ZC4H2: variants seen among roughly 807,000 people sequenced by gnomAD.
ZC4H2 encodes the protein zinc finger C4H2 domain-containing protein.
For synonymous variants in ZC4H2, 84 were observed against 66.3 expected (o/e 1.27, Z -1.30); for missense variants, 137 against 173.9 (o/e 0.79, Z 1.19).
chrX:65,023,555 A>G (rs999884950), intron 1 of ZC4H2, among the ~76,000 whole-genome samples: 16 of 112,063 alleles, frequency 1.4e-4, no homozygotes, highest in African/African-American at 5.2e-4. Flanking sequence ...AACCACAATG[A>G]GATACCATCT....
rs770096288 is a variant in ZC4H2, at chrX:64,921,887, A to G, written c.155T>C (p.Met52Thr). ...CATCTTCTCCTGTAGCAGAAGGTCC[A>G]TCTCCTGCTTGTATTCCTTCAGGTG... is the stretch of plus-strand genomic sequence containing the variant. ...ERHLKEYKQE[M>T]DLLLQEKMAH... The change falls in exon 2 of 5, where the codon ATG becomes ACG. Residue 52 changes from methionine (M) to threonine (T), a missense_variant. By Grantham distance (81) the Met-to-Thr change is moderately conservative. Coordinates refer to ENST00000374839, the MANE Select transcript of ZC4H2 (RefSeq NM_018684.4). 8.3e-7 allele frequency: 1 copy of G among 1,210,611 alleles called. No individual in the cohort carries two copies. The highest frequency in any genetic ancestry group is 1.1e-6 in the Non-Finnish European group (1 of 895,346).
chrX:64,921,638 C>A (rs772833661), intron 2 of ZC4H2, among the ~76,000 whole-genome samples, 179 bp downstream of exon 2: 3 of 111,485 alleles, frequency 2.7e-5, no homozygotes, highest in African/African-American at 9.8e-5. Flanking sequence ...GATATATAGT[C>A]AGTTAGTGAC....
intron 1 of ZC4H2, among the ~76,000 whole-genome samples, chrX:64,945,826 T>C (rs1280042408): frequency 4.5e-5 from 5 of 110,965 alleles, no homozygotes; most frequent in African/African-American, 1.3e-4. Context: ...TGCTTTGCTG[T>C]GCTATGATGG....
At chrX:64,959,014 C>T (rs1353253744) in intron 1 of ZC4H2, among the ~76,000 whole-genome samples, 2 of 111,279 alleles carry the variant, frequency 1.8e-5, no homozygotes, top group African/African-American at 6.5e-5. Flanking sequence ...CTATATTACC[C>T]CATCCCTTTT....
At position 64,960,844 on chromosome X, in the gene ZC4H2, A is replaced by G. The variant is rs1931362182; in HGVS notation, c.53+15481T>C. Among the ~76,000 whole-genome samples, 3 of 111,867 alleles carry G rather than the reference A, an allele frequency of 2.7e-5. No individual in the cohort carries two copies. In the Admixed American group the frequency reaches 2.8e-4, roughly 11 times the overall value. Reference sequence around the variant, plus strand: ...CTTGGTAGGATTTTGATCTTCTTACATTTGTTAAGATGTGCTAATTGTCTT... The same window carrying G: ...CTTGGTAGGATTTTGATCTTCTTACGTTTGTTAAGATGTGCTAATTGTCTT... On this transcript the variant is annotated intron_variant, in intron 1 of 4. Coordinates refer to ENST00000374839, the MANE Select transcript of ZC4H2 (RefSeq NM_018684.4).
intron 1 of ZC4H2, among the ~76,000 whole-genome samples, chrX:65,020,907 C>T (rs1932831828): frequency 1.8e-5 from 2 of 111,150 alleles, no homozygotes; most frequent in Admixed American, 9.6e-5. Context: ...GACTTTAAAC[C>T]AACAAAGCTC....
intron 1 of ZC4H2, among the ~76,000 whole-genome samples, chrX:64,995,890 A>G (rs1932403729): frequency 8.9e-6 from 1 of 112,692 alleles, no homozygotes; most frequent in African/African-American, 3.2e-5. Context: ...AAGCAAGGCA[A>G]ATAAACAACA....
At chrX:64,999,915 T>G (rs1932502042) in intron 1 of ZC4H2, among the ~76,000 whole-genome samples, 1 of 111,949 alleles carries the variant, frequency 8.9e-6, no homozygotes, top group African/African-American at 3.2e-5. Flanking sequence ...GGCAGGGCAT[T>G]TCAGAAAGAA....
chrX:64,956,641 A>T (rs1602417871), intron 1 of ZC4H2, among the ~76,000 whole-genome samples: 1 of 111,919 alleles, frequency 8.9e-6, no homozygotes, highest in Non-Finnish European at 1.9e-5. Flanking sequence ...AAACAAAATT[A>T]TGGGAGGCCA....
At chrX:64,971,235 A>G (rs998501140) in intron 1 of ZC4H2, among the ~76,000 whole-genome samples, 7 of 112,437 alleles carry the variant, frequency 6.2e-5, no homozygotes, top group Non-Finnish European at 1.3e-4. Context: ...AAATAAAATA[A>G]CAACCATGCT....
chrX:64,929,762 T>A (rs1041140768), intron 1 of ZC4H2, among the ~76,000 whole-genome samples: 1 of 112,139 alleles, frequency 8.9e-6, no homozygotes, highest in African/African-American at 3.2e-5. Flanking sequence ...GCTGTTTTGG[T>A]AGCTTATAGC....
At chrX:64,965,136 T>C (rs1931542786) in intron 1 of ZC4H2, among the ~76,000 whole-genome samples, 1 of 112,009 alleles carries the variant, frequency 8.9e-6, no homozygotes, top group Admixed American at 9.5e-5. Flanking sequence ...AACAAAATCC[T>C]ATTAAAATCC....
intron 1 of ZC4H2, among the ~76,000 whole-genome samples, chrX:64,982,989 T>C (rs1348344899): frequency 1.8e-5 from 2 of 110,979 alleles, no homozygotes; most frequent in Non-Finnish European, 3.8e-5. Flanking sequence ...GGGAGAGGAG[T>C]GGGAAGGCAG....
At chrX:64,973,383 T>C (rs960925900) in intron 1 of ZC4H2, among the ~76,000 whole-genome samples, 1 of 110,730 alleles carries the variant, frequency 9.0e-6, no homozygotes, top group African/African-American at 3.3e-5. Context: ...TATTTAATAG[T>C]CTTCTGACAT....
intron 1 of ZC4H2, among the ~76,000 whole-genome samples, chrX:64,974,973 CA>C (rs58569761): frequency 0.17 from 6,081 of 35,730 alleles, 568 homozygotes; most frequent in African/African-American, 0.32. Flanking sequence ...ATGCTTTTGC[CA>C]AAAAAAAAAA....
chrX:64,921,137 T>C (rs752983560), intron 2 of ZC4H2, among the ~76,000 whole-genome samples: 1 of 112,495 alleles, frequency 8.9e-6, no homozygotes, highest in East Asian at 2.8e-4. Flanking sequence ...AAATGAGTTT[T>C]CCAGAAATAT....
In ZC4H2 at chrX:64,950,768, T is replaced by C. The variant is rs1428755305; in HGVS notation, c.53+25557A>G. The stretch of plus-strand genomic sequence containing the variant: ...CCACATGTGAGATGGGTTTCCTGAA[T>C]ACAGCACACTGATGGCTCTGGATTC... On this transcript the variant is annotated intron_variant, in intron 1 of 4. Transcript: ENST00000374839. 1.8e-4 allele frequency among the ~76,000 whole-genome samples: 20 copies of C among 111,099 alleles called. No homozygotes were observed. In the Admixed American group the frequency reaches 1.9e-3, roughly 11 times the overall value.
intron 1 of ZC4H2, among the ~76,000 whole-genome samples, chrX:65,010,123 T>A (rs752077065): frequency 5.0e-4 from 56 of 112,646 alleles, no homozygotes; most frequent in Non-Finnish European, 9.6e-4. Context: ...AACTTCCAAG[T>A]GCCCACCACT....
chrX:65,010,361 G>A (rs2147285191), intron 1 of ZC4H2, among the ~76,000 whole-genome samples: 1 of 112,581 alleles, frequency 8.9e-6, no homozygotes, highest in South Asian at 3.7e-4. Context: ...CCTCAAGTCC[G>A]CTTCCTGTCC....
Sources: allele counts gnomAD v4.1 joint callset (sites outside exome capture counted in the v4.1 genomes callset), GRCh38; gene constraint gnomAD v4.1.1; transcripts MANE v1.5; gene names NCBI Gene and HGNC (gene_info 2026-07-23, HGNC 2026-07-21).